The following PITPNM2 variants were observed in gnomAD, a reference collection of about 807,000 sequenced individuals.
PITPNM2 encodes phosphatidylinositol transfer protein membrane associated 2.
A neutral mutation model predicts 132.2 loss-of-function variants in PITPNM2; 35 were observed. The observed-to-expected ratio is 0.26, with a 90% CI of 0.20 to 0.35. The LOEUF is 0.35. Among genes scored for constraint, PITPNM2 ranks in the 10% least tolerant of loss-of-function variants. PITPNM2 has a pLI of 1.00. For synonymous variants in PITPNM2, 738 were observed against 799.2 expected, an observed-to-expected ratio of 0.92 and a Z score of 1.29; for missense variants, 1,332 against 1,912.0, an observed-to-expected ratio of 0.70 and a Z score of 5.66.
intron 2 of PITPNM2, among the ~76,000 whole-genome samples, chr12:123,103,219 C>G (rs946657961): frequency 2.0e-5 from 3 of 152,166 alleles, no homozygotes; most frequent in African/African-American, 7.2e-5. Flanking sequence ...TGATCTTGGC[C>G]ATTTCCCTGC....
rs1401835099 is a variant in PITPNM2 at position 123,077,114 on chromosome 12, CAGGCTTGAAATCCT to C, written c.-96+33257_-96+33270del. 2.6e-5 allele frequency among the ~76,000 whole-genome samples: 4 copies of C among 152,150 alleles called. No homozygotes were observed. Among genetic ancestry groups the C allele is most frequent in the Non-Finnish European group, 5.9e-5 (4 of 68,024 alleles). On this transcript the variant is annotated intron_variant, in intron 2 of 25. Transcript: ENST00000320201. This position sits in a 1 kb window ranked among gnomAD's most constrained non-coding sequence, Gnocchi z 4.8. ...TGCAGAATGTTGACCCACTGGGCAG[CAGGCTTGAAATCCT>C]GCCTGACCAAACTGTGCCGAGGGGC...
chr12:123,107,259 C>G (rs1447638975), intron 2 of PITPNM2, among the ~76,000 whole-genome samples: 2 of 152,230 alleles, frequency 1.3e-5, no homozygotes, highest in East Asian at 1.9e-4. Flanking sequence ...AGGACCCTCC[C>G]CGCTGAGCTC....
Position 122,987,272 on chromosome 12 carries a change from G to A in PITPNM2, c.3413+9C>T. 3 of 1,611,214 alleles carry A rather than the reference G, an allele frequency of 1.9e-6. No individual in the cohort carries two copies. The highest frequency in any genetic ancestry group is 2.5e-6 in the Non-Finnish European group (3 of 1,179,878). On this transcript the variant is annotated intron_variant, in intron 23 of 25. Transcript: ENST00000320201. ...CTACAGCCCCTTTGTGCCCCTCTGG[G>A]CCACTCACCGCACCACGTCCACGGC...
chr12:123,016,181 C>T (rs527749719), intron 3 of PITPNM2, among the ~76,000 whole-genome samples: 1 of 152,102 alleles, frequency 6.6e-6, no homozygotes, highest in South Asian at 2.1e-4. Context: ...CAAAAAGTAG[C>T]TGGGCGTGGT....
intron 2 of PITPNM2, among the ~76,000 whole-genome samples, chr12:123,041,287 A>G (rs1268266977): frequency 6.6e-6 from 1 of 152,152 alleles, no homozygotes; most frequent in Non-Finnish European, 1.5e-5. Context: ...TGCTGTCCCT[A>G]GCAGGGTCTG....
Position 123,097,766 on chromosome 12 carries a change from G to A in PITPNM2, c.-96+12619C>T, listed in dbSNP as rs1314505832. 6.6e-6 allele frequency among the ~76,000 whole-genome samples: 1 copy of A among 152,234 alleles called. No individual in the cohort carries two copies. The highest frequency in any genetic ancestry group is 1.5e-5 in the Non-Finnish European group (1 of 68,046). Reference sequence around the variant, plus strand: ...TGGCAAGGCCAGAAATAGCCTTGAAGACATTCACGTGAAGATGACGGGCAG... The same window carrying A: ...TGGCAAGGCCAGAAATAGCCTTGAAAACATTCACGTGAAGATGACGGGCAG... On this transcript the variant is annotated intron_variant, in intron 2 of 25. Coordinates refer to ENST00000320201, the MANE Select transcript of PITPNM2 (RefSeq NM_020845.3). The surrounding 1 kb of genome is among the most constrained non-coding windows in gnomAD (Gnocchi z 4.7).
At chr12:123,050,230 G>A (rs772617963) in intron 2 of PITPNM2, among the ~76,000 whole-genome samples, 5 of 152,182 alleles carry the variant, frequency 3.3e-5, no homozygotes, top group African/African-American at 4.8e-5. Flanking sequence ...GCTGGGCCCT[G>A]AATGAGATAT....
chr12:123,127,831 A>C (rs369539737), intron 1 of PITPNM2, among the ~76,000 whole-genome samples: 9 of 152,106 alleles, frequency 5.9e-5, no homozygotes, highest in Non-Finnish European at 1.2e-4. Context: ...GGATGGTATC[A>C]ATCTCCTGAC....
At position 123,058,303 on chromosome 12, in the gene PITPNM2, T is replaced by C. The variant is rs1188755107; in HGVS notation, c.-95-23618A>G. On this transcript the variant is annotated intron_variant, in intron 2 of 25. Coordinates refer to ENST00000320201, the MANE Select transcript of PITPNM2 (RefSeq NM_020845.3). This position sits in a 1 kb window ranked among gnomAD's most constrained non-coding sequence, Gnocchi z 4.0. ...GCTGAGCCATGGGAAGAACACCTGC[T>C]ATGTCTCCCTCTAATTTGCCTTCTG... Among the ~76,000 whole-genome samples, 2 of 152,188 alleles carry C rather than the reference T, an allele frequency of 1.3e-5. No individual in the cohort carries two copies. The highest frequency in any genetic ancestry group is 2.4e-5 in the African/African-American group (1 of 41,452).
chr12:123,079,528 G>A (rs1297149750), intron 2 of PITPNM2, among the ~76,000 whole-genome samples: 1 of 151,666 alleles, frequency 6.6e-6, no homozygotes, highest in Non-Finnish European at 1.5e-5. Context: ...TGTATTTTTA[G>A]TAGAGACAAG....
At chr12:123,042,933 G>A (rs2040544525) in intron 2 of PITPNM2, among the ~76,000 whole-genome samples, 1 of 152,054 alleles carries the variant, frequency 6.6e-6, no homozygotes, top group African/African-American at 2.4e-5. Flanking sequence ...TGGGGTTGCA[G>A]GAGTGTGTGG....
At chr12:123,119,102 A>G (rs1357790484) in intron 1 of PITPNM2, among the ~76,000 whole-genome samples, 1 of 152,078 alleles carries the variant, frequency 6.6e-6, no homozygotes, top group East Asian at 1.9e-4. Context: ...TATTCCCTTT[A>G]CCAAGGGCCT....
At chr12:123,073,434 C>T (rs571452419) in intron 2 of PITPNM2, among the ~76,000 whole-genome samples, 1 of 152,096 alleles carries the variant, frequency 6.6e-6, no homozygotes. Context: ...GCCTACCATT[C>T]GCCACCGCCT....
At position 123,009,303 on chromosome 12, in the gene PITPNM2, C is replaced by A. The variant is rs2039076694; in HGVS notation, c.643+547G>T. On this transcript the variant is annotated intron_variant, in intron 6 of 25. Transcript: ENST00000320201. The surrounding 1 kb of genome is among the most constrained non-coding windows in gnomAD (Gnocchi z 4.8). ...CACTCACTGCACCAGGACCCCCAGG[C>A]CATCTGCTGTCTACCTGTTCCATGG... Among the ~76,000 whole-genome samples, 1 of 152,164 alleles carries A rather than the reference C, an allele frequency of 6.6e-6. No individual in the cohort carries two copies. Among genetic ancestry groups the A allele is most frequent in the South Asian group, 2.1e-4 (1 of 4,826 alleles).
In PITPNM2 at chr12:122,989,865, C is replaced by G; in HGVS notation, c.2653G>C (p.Gly885Arg). 9.4e-7 allele frequency: 1 copy of G among 1,063,038 alleles called. No homozygotes were observed. The highest frequency in any genetic ancestry group is 1.2e-6 in the Non-Finnish European group (1 of 819,182). The allele number at this position is 1,063,038 out of a possible 1,614,324, so 65.9% of individuals were successfully genotyped here. A position where few individuals can be genotyped will look rare whatever the true frequency, so the allele number is the denominator to read the frequency against. ...GCCTTCCTGGCTGGAGGGTGGGGGC[C>G]AGGGGTGGTGGGGCTGGGGGCGGGC... Reference protein sequence around the residue: ...ALPAPSPTTPGPHPPARKASP... With the variant: ...ALPAPSPTTPRPHPPARKASP... Residue 885 changes from glycine to arginine, a missense_variant, in exon 18 of 26, where the codon GGC (glycine) becomes CGC (arginine). By Grantham distance (125) the Gly-to-Arg change is moderately radical. This residue lies in a region of PITPNM2 where 710 missense variants were observed against 911.5 expected (regional missense o/e 0.78). Coordinates refer to ENST00000320201, the MANE Select transcript of PITPNM2 (RefSeq NM_020845.3).
intron 2 of PITPNM2, among the ~76,000 whole-genome samples, chr12:123,037,935 C>G (rs1169431570): frequency 3.3e-5 from 5 of 152,168 alleles, no homozygotes; most frequent in Non-Finnish European, 7.3e-5. Flanking sequence ...CTGTTAATTG[C>G]ACAGGTGCTG....
At chr12:123,073,390 A>G (rs995333510) in intron 2 of PITPNM2, among the ~76,000 whole-genome samples, 1 of 152,146 alleles carries the variant, frequency 6.6e-6, no homozygotes, top group Non-Finnish European at 1.5e-5. Flanking sequence ...CCCATTGAAG[A>G]GTAAGTTATG....
At chr12:123,035,182 CTG>C (rs2040225168) in intron 2 of PITPNM2, among the ~76,000 whole-genome samples, 1 of 152,214 alleles carries the variant, frequency 6.6e-6, no homozygotes, top group Non-Finnish European at 1.5e-5. Flanking sequence ...GGGGGAGACT[CTG>C]AGTGATTTAA....
At chr12:122,998,414 G>A (rs1014888376) in intron 10 of PITPNM2, among the ~76,000 whole-genome samples, 3 of 152,144 alleles carry the variant, frequency 2.0e-5, no homozygotes, top group Non-Finnish European at 2.9e-5. Context: ...ATCACATAGC[G>A]TGTCGGTGCC....
Sources: gnomAD v4.1 joint callset for allele counts (sites outside exome capture counted in the v4.1 genomes callset) on GRCh38, gnomAD v4.1.1 for gene constraint, gnomAD v4.1.1 regional missense constraint, Gnocchi (gnomAD v3.1) non-coding constraint, MANE v1.5 for transcripts, NCBI Gene and HGNC (gene_info 2026-07-23, HGNC 2026-07-21) for gene names.